C11orf65: variants seen among roughly 807,000 people sequenced by gnomAD.
C11orf65 encodes the protein chromosome 11 open reading frame 65.
In C11orf65, 38 loss-of-function variants were observed where a neutral mutation model predicts 35.3. That is an observed-to-expected ratio of 1.08 (90% CI 0.83 to 1.41). The LOEUF is 1.41. Ranked by LOEUF, C11orf65 falls within the 40% of genes most tolerant of loss-of-function variation. The pLI is 0.00. For missense variants in C11orf65, 370 were observed against 367.1 expected (o/e 1.01, Z -0.06); for synonymous variants, 105 against 114.4 (o/e 0.92, Z 0.53).
At chr11:108,439,859 T>C (rs1048788639) in intron 2 of C11orf65, among the ~76,000 whole-genome samples, 27 of 152,088 alleles carry the variant, frequency 1.8e-4, no homozygotes, top group Non-Finnish European at 3.4e-4. Flanking sequence ...TTTGGGATGA[T>C]GAAAAAGCTG....
chr11:108,430,583 C>A (rs1436195429), intron 3 of C11orf65, among the ~76,000 whole-genome samples: 1 of 151,970 alleles, frequency 6.6e-6, no homozygotes, highest in Non-Finnish European at 1.5e-5. Context: ...GTGGTTTACA[C>A]CTGTAATCCC....
intron 6 of C11orf65, among the ~76,000 whole-genome samples, chr11:108,313,688 T>A (rs1275392805): frequency 6.6e-6 from 1 of 152,194 alleles, no homozygotes; most frequent in African/African-American, 2.4e-5. Context: ...GTGCTAAGCA[T>A]GGGTACTGAA....
At chr11:108,327,827 C>G (rs1006595236), downstream of C11orf65, 3 of 1,160,048 alleles carry the variant, frequency 2.6e-6, no homozygotes, top group Non-Finnish European at 3.8e-6. Context: ...TCATCAAGAT[C>G]AATATATTTC....
At chr11:108,400,149 C>G (rs542512656) in intron 6 of C11orf65, among the ~76,000 whole-genome samples, 2 of 152,302 alleles carry the variant, frequency 1.3e-5, no homozygotes, top group East Asian at 1.9e-4. Flanking sequence ...GGGGTTGGAA[C>G]AGCATGCCCA....
At chr11:108,444,779 C>T (rs555954004) in intron 2 of C11orf65, among the ~76,000 whole-genome samples, 1 of 152,080 alleles carries the variant, frequency 6.6e-6, no homozygotes, top group Non-Finnish European at 1.5e-5. Flanking sequence ...TACAGCGCAC[C>T]GTGCACGAGC....
At position 108,406,943 on chromosome 11, in the gene C11orf65, T is replaced by C. The variant is rs190082754; in HGVS notation, c.249A>G (p.Ile83Met). 130 of 1,610,746 alleles carry C rather than the reference T, an allele frequency of 8.1e-5. No homozygotes were observed. In the East Asian group the frequency reaches 2.4e-3, roughly 30 times the overall value. The change falls in exon 5 of 9, where the codon ATA becomes ATG. Residue 83 changes from isoleucine to methionine, a missense_variant. By Grantham distance (10) the Ile-to-Met change is conservative. Coordinates refer to ENST00000393084, the MANE Select transcript of C11orf65 (RefSeq NM_152587.5). ...RLGGVKFPPDIYYKIFTHRPI... is the reference protein window; with the variant it reads ...RLGGVKFPPDMYYKIFTHRPI... ...GTCTGTGAGTAAAAATCTTATAGTA[T>C]ATATCAGGTGGAAATTTAACCTGTA...
chr11:108,316,490 G>A (rs575844560), intron 6 of C11orf65, among the ~76,000 whole-genome samples: 2 of 152,166 alleles, frequency 1.3e-5, no homozygotes, highest in South Asian at 4.2e-4. Context: ...CAACAGAGTT[G>A]GTCCCAGAAC....
chr11:108,319,399 C>G (rs1426570534), intron 6 of C11orf65, among the ~76,000 whole-genome samples: 2 of 152,152 alleles, frequency 1.3e-5, no homozygotes, highest in East Asian at 3.9e-4. Flanking sequence ...ATCCAAGGGC[C>G]TTAGATGTAT....
intron 2 of C11orf65, among the ~76,000 whole-genome samples, chr11:108,444,627 G>A (rs1269832319): frequency 6.6e-6 from 1 of 152,056 alleles, no homozygotes; most frequent in African/African-American, 2.4e-5. Flanking sequence ...ACAGGGTGGA[G>A]CCAAGATGGC....
intron 6 of C11orf65, among the ~76,000 whole-genome samples, chr11:108,404,591 T>C (rs1429488586): frequency 6.7e-6 from 1 of 149,652 alleles, no homozygotes; most frequent in African/African-American, 2.5e-5. Flanking sequence ...CTTTTCTTTT[T>C]TTTTTTTTTT....
intron 2 of C11orf65, among the ~76,000 whole-genome samples, chr11:108,454,139 G>T (rs1371654568): frequency 6.6e-6 from 1 of 152,004 alleles, no homozygotes. Flanking sequence ...TCATGATTCA[G>T]TCTTGGGAGG....
chr11:108,347,894 G>A (rs182362590), intron 2 of C11orf65, among the ~76,000 whole-genome samples: 215 of 152,246 alleles, frequency 1.4e-3, no homozygotes, highest in Non-Finnish European at 2.5e-3. Context: ...ACTTTGGGGA[G>A]TGGTATTGGC....
chr11:108,468,184 A>C (rs1185186824), upstream of C11orf65, among the ~76,000 whole-genome samples: 1 of 152,202 alleles, frequency 6.6e-6, no homozygotes, highest in African/African-American at 2.4e-5. Flanking sequence ...AAAATGAGAC[A>C]ACTGATCCTT....
At chr11:108,389,936 C>T (rs758422736) in intron 7 of C11orf65, among the ~76,000 whole-genome samples, 14 of 152,096 alleles carry the variant, frequency 9.2e-5, no homozygotes, top group Non-Finnish European at 1.6e-4. Context: ...CCTCAAGATC[C>T]GCCCTCCTCA....
intron 2 of C11orf65, among the ~76,000 whole-genome samples, chr11:108,358,758 C>T (rs2090347508): frequency 6.8e-6 from 1 of 148,142 alleles, no homozygotes; most frequent in African/African-American, 2.5e-5. Flanking sequence ...GAGATTTTGT[C>T]ACCACCAGGC....
At chr11:108,417,111 G>A (rs967529142) in intron 3 of C11orf65, among the ~76,000 whole-genome samples, 7 of 152,138 alleles carry the variant, frequency 4.6e-5, no homozygotes, top group Non-Finnish European at 1.0e-4. Context: ...AACGTAGAAC[G>A]TCTGAGACAT....
rs2086516357 is a variant in C11orf65 at position 108,333,625 on chromosome 11, T to G, written c.299+1595A>C. On this transcript the variant is annotated intron_variant, in intron 3 of 3. Transcript: ENST00000524755. ...CTATTACGTAATTATTTTAAGATGT[T>G]TAGTCTGGTTCCTCAGGTGGAATCT... Among the ~76,000 whole-genome samples, 2 of 152,258 alleles carry G rather than the reference T, an allele frequency of 1.3e-5. 1 individual carries two copies. Among genetic ancestry groups the G allele is most frequent in the South Asian group, 4.1e-4 (2 of 4,834 alleles).
rs117545781 is a variant in C11orf65 at position 108,400,599 on chromosome 11, A to G, written c.560+4830T>C. On this transcript the variant is annotated intron_variant, in intron 6 of 8. Transcript: ENST00000393084. ...TGGGAAAGAACACATTTGCCAGGTC[A>G]GTTGCAGCATACCAGGTGCCAGGGG... is the stretch of plus-strand genomic sequence containing the variant. Among the ~76,000 whole-genome samples the G allele has an allele frequency of 4.5e-3, 693 of 152,348 alleles. 4 individuals are homozygous for G. Among genetic ancestry groups the G allele is most frequent in the Non-Finnish European group, 7.3e-3 (497 of 68,032 alleles).
chr11:108,405,234 T>C (rs965717952), intron 6 of C11orf65, among the ~76,000 whole-genome samples, 195 bp downstream of exon 6: 6 of 152,168 alleles, frequency 3.9e-5, no homozygotes, highest in African/African-American at 1.2e-4. Flanking sequence ...GTGTAGGCGG[T>C]TGGACACTCA....
Sources: gnomAD v4.1 joint callset for allele counts (sites outside exome capture counted in the v4.1 genomes callset) on GRCh38, gnomAD v4.1.1 for gene constraint, MANE v1.5 for transcripts, NCBI Gene and HGNC (gene_info 2026-07-23, HGNC 2026-07-21) for gene names.